The following DOCK1 variants were observed in gnomAD, a reference collection of about 807,000 sequenced individuals.
DOCK1 encodes the protein dedicator of cytokinesis protein 1.
DOCK1 carries 138 observed loss-of-function variants against 262.7 expected under a neutral mutation model. That is an observed-to-expected ratio of 0.53 (90% CI 0.46 to 0.61). The LOEUF is 0.61. Ranked by LOEUF, DOCK1 falls within the 20% of genes least tolerant of loss-of-function variation. The pLI, the probability that DOCK1 is intolerant of heterozygous loss-of-function variation, is 0.00. For synonymous variants in DOCK1, 866 were observed against 867.4 expected (o/e 1.00, Z 0.03); for missense variants, 1,908 against 2,370.7 (o/e 0.80, Z 4.05).
intron 16 of DOCK1, 37 bp downstream of exon 16, chr10:127,026,461 T>A: frequency 6.4e-7 from 1 of 1,553,480 alleles, no homozygotes; most frequent in Non-Finnish European, 8.7e-7. Flanking sequence ...CAAGTATTTT[T>A]AAGGGAGAAC....
At chr10:127,408,883 C>G (rs1449346188) in intron 40 of DOCK1, among the ~76,000 whole-genome samples, 154 bp from the exon 41 acceptor site, 1 of 87,496 alleles carries the variant, frequency 1.1e-5, no homozygotes, top group African/African-American at 3.6e-5. Flanking sequence ...AAAGCCAACG[C>G]AAGTACAAAA....
At chr10:127,355,344 A>C (rs1416388679) in intron 32 of DOCK1, among the ~76,000 whole-genome samples, 2 of 152,216 alleles carry the variant, frequency 1.3e-5, no homozygotes, top group African/African-American at 2.4e-5. Context: ...CCTTCAAGAA[A>C]TCAATGACTG....
chr10:127,298,868 C>A (rs1437427498), intron 29 of DOCK1, among the ~76,000 whole-genome samples: 1 of 152,106 alleles, frequency 6.6e-6, no homozygotes, highest in Non-Finnish European at 1.5e-5. Context: ...GGAGAGAACC[C>A]ACCCAGGTGT....
At chr10:126,987,739 GT>G (rs1224565914) in intron 5 of DOCK1, 122 bp downstream of exon 5, 2 of 933,310 alleles carry the variant, frequency 2.1e-6, no homozygotes, top group Non-Finnish European at 3.2e-6. Context: ...CCGAGACAGA[GT>G]TTTACTCGGA....
chr10:127,257,313 G>C (rs778005533), intron 28 of DOCK1, 22 bp from the exon 29 acceptor site: 2 of 1,551,586 alleles, frequency 1.3e-6, no homozygotes, highest in East Asian at 4.6e-5. Flanking sequence ...GGCCATTTCA[G>C]TGTTTTGTTT....
chr10:127,365,468 T>A (rs1021869251), intron 33 of DOCK1, among the ~76,000 whole-genome samples: 4 of 152,220 alleles, frequency 2.6e-5, no homozygotes, highest in Non-Finnish European at 5.9e-5. Context: ...GGCAGAAAAT[T>A]CATTTGACTT....
intron 33 of DOCK1, among the ~76,000 whole-genome samples, chr10:127,365,596 A>G (rs1192011370): frequency 1.3e-5 from 2 of 152,230 alleles, no homozygotes; most frequent in African/African-American, 4.8e-5. Context: ...CAGAAAACTA[A>G]GGTCAAAAGT....
intron 47 of DOCK1, among the ~76,000 whole-genome samples, chr10:127,428,994 T>G (rs1194350383): frequency 7.2e-6 from 1 of 139,720 alleles, no homozygotes; most frequent in African/African-American, 2.8e-5. Context: ...GGGTGCCGTG[T>G]GGATTGGGAT....
chr10:127,208,574 AAATC>A (rs1244184096), intron 27 of DOCK1, among the ~76,000 whole-genome samples: 33 of 152,342 alleles, frequency 2.2e-4, no homozygotes, highest in African/African-American at 5.8e-4. Flanking sequence ...ACTAAAATAA[AAATC>A]AATAATCAGT....
intron 25 of DOCK1, among the ~76,000 whole-genome samples, chr10:127,121,157 T>A (rs983600759): frequency 6.6e-6 from 1 of 152,168 alleles, no homozygotes; most frequent in African/African-American, 2.4e-5. Flanking sequence ...CCTGGACTTC[T>A]GGTCAAGTGT....
At chr10:127,317,486 A>T (rs998722109) in intron 29 of DOCK1, among the ~76,000 whole-genome samples, 6 of 152,132 alleles carry the variant, frequency 3.9e-5, no homozygotes, top group African/African-American at 1.2e-4. Context: ...CATGCTGGGC[A>T]CTGTTTGTTC....
chr10:127,367,393 G>A lies in DOCK1; in HGVS notation c.3432+5181G>A, dbSNP rs573233701. Among the ~76,000 whole-genome samples, 51 of 152,254 alleles carry A rather than the reference G, an allele frequency of 3.3e-4. 1 individual carries two copies. In the South Asian group the frequency reaches 9.6e-3, roughly 29 times the overall value. On this transcript the variant is annotated intron_variant, in intron 33 of 51. Coordinates refer to ENST00000623213, the MANE Select transcript of DOCK1 (RefSeq NM_001290223.2). ...ATGTGTTGAATGGGCTCTCTTGGTG[G>A]CGGGATGGGGTGGCATGGAGTTATC...
intron 27 of DOCK1, among the ~76,000 whole-genome samples, chr10:127,196,845 G>C (rs1244573867): frequency 6.6e-6 from 1 of 151,940 alleles, no homozygotes; most frequent in Non-Finnish European, 1.5e-5. Flanking sequence ...CATGGCCCGG[G>C]AACTTGTTGA....
At chr10:126,948,920 G>A (rs1281686692) in intron 1 of DOCK1, among the ~76,000 whole-genome samples, 3 of 152,246 alleles carry the variant, frequency 2.0e-5, no homozygotes, top group Admixed American at 1.3e-4. Flanking sequence ...CAGGTCTGGA[G>A]CTGGTTGTAT....
At chr10:127,172,960 G>A (rs896157403) in intron 27 of DOCK1, among the ~76,000 whole-genome samples, 3 of 152,188 alleles carry the variant, frequency 2.0e-5, no homozygotes, top group South Asian at 4.1e-4. Flanking sequence ...TTGTCATTGA[G>A]TTTGAATTTC....
chr10:127,108,592 A>T (rs1209437616), intron 24 of DOCK1, among the ~76,000 whole-genome samples: 1 of 152,002 alleles, frequency 6.6e-6, no homozygotes, highest in Admixed American at 6.6e-5. Context: ...TCTCAAAAAT[A>T]AAAAAAAGAA....
chr10:127,013,234 G>A (rs1329610311), intron 12 of DOCK1, among the ~76,000 whole-genome samples: 8 of 152,158 alleles, frequency 5.3e-5, no homozygotes, highest in Non-Finnish European at 8.8e-5. Context: ...GCAAACAGTA[G>A]CAGGACAAAA....
At chr10:127,366,712 C>T (rs2064936280) in intron 33 of DOCK1, among the ~76,000 whole-genome samples, 1 of 152,180 alleles carries the variant, frequency 6.6e-6, no homozygotes, top group African/African-American at 2.4e-5. Flanking sequence ...GTGTGTGGCA[C>T]ATTGGTGCAG....
intron 18 of DOCK1, among the ~76,000 whole-genome samples, chr10:127,034,818 G>T (rs1013949456): frequency 2.0e-5 from 3 of 152,218 alleles, no homozygotes; most frequent in Non-Finnish European, 4.4e-5. Flanking sequence ...GCGGTTAGGT[G>T]ATGAGGCCCA....
Sources: gnomAD v4.1 joint callset for allele counts (sites outside exome capture counted in the v4.1 genomes callset) on GRCh38, gnomAD v4.1.1 for gene constraint, MANE v1.5 for transcripts, NCBI Gene and HGNC (gene_info 2026-07-23, HGNC 2026-07-21) for gene names.